SEMA3A: variants seen among roughly 807,000 people sequenced by gnomAD.
SEMA3A encodes the protein semaphorin-3A.
Under a neutral mutation model 97.9 loss-of-function variants are expected in SEMA3A, and 29 were observed. The ratio of observed to expected loss-of-function variants is 0.30; its 90% CI spans 0.22 to 0.40. SEMA3A has a LOEUF of 0.40. Ranked by LOEUF, SEMA3A falls within the 10% of genes least tolerant of loss-of-function variation. The pLI is 1.00. For synonymous variants in SEMA3A, 321 were observed against 323.7 expected (o/e 0.99, Z 0.09); for missense variants, 763 against 951.3 (o/e 0.80, Z 2.60).
rs576115086 is a variant in SEMA3A, at chr7:84,333,765, G to T, written c.-168-26473C>A. On this transcript the variant is annotated intron_variant, in intron 2 of 3. Transcript: ENST00000424555. ...CTTGTGACTTTTATCCAAGACATAT[G>T]CTATACATACAAAGTGACTAAGTAT... Among the ~76,000 whole-genome samples the T allele has an allele frequency of 8.5e-5, 13 of 152,242 alleles. No homozygotes were observed. In the East Asian group the frequency reaches 2.5e-3, roughly 29 times the overall value.
chr7:84,105,913 G>C (rs1048841249), intron 4 of SEMA3A, among the ~76,000 whole-genome samples: 4 of 152,122 alleles, frequency 2.6e-5, no homozygotes, highest in African/African-American at 9.7e-5. Flanking sequence ...ACATGTGTAT[G>C]ATGTATGTGA....
chr7:84,102,198 A>G (rs2115903697), intron 4 of SEMA3A, among the ~76,000 whole-genome samples: 1 of 152,302 alleles, frequency 6.6e-6, no homozygotes, highest in South Asian at 2.1e-4. Flanking sequence ...AATTTGTGTT[A>G]GTGATATCAA....
chr7:84,347,780 A>T (rs1197276807), intron 2 of SEMA3A, among the ~76,000 whole-genome samples: 1 of 152,066 alleles, frequency 6.6e-6, no homozygotes, highest in Non-Finnish European at 1.5e-5. Context: ...CTTTCTTATG[A>T]CGTTCTTGAA....
At chr7:83,984,923 CAAT>C (rs1789566171) in intron 13 of SEMA3A, among the ~76,000 whole-genome samples, 1 of 151,886 alleles carries the variant, frequency 6.6e-6, no homozygotes, top group Non-Finnish European at 1.5e-5. Flanking sequence ...CTCTAGCATA[CAAT>C]ACTACTGGAA....
At chr7:84,148,691 A>G (rs773291262) in intron 1 of SEMA3A, among the ~76,000 whole-genome samples, 37 of 151,972 alleles carry the variant, frequency 2.4e-4, no homozygotes, top group Non-Finnish European at 4.3e-4. Context: ...TTATATTTGT[A>G]TTTTCTTCTA....
intron 3 of SEMA3A, among the ~76,000 whole-genome samples, chr7:84,238,988 A>T (rs1799298833): frequency 6.6e-6 from 1 of 152,186 alleles, no homozygotes; most frequent in African/African-American, 2.4e-5. Context: ...AAGTACTGGG[A>T]TGACAGGCGT....
At position 84,096,271 on chromosome 7, in the gene SEMA3A, C is replaced by T. The variant is rs550341717; in HGVS notation, c.453+14199G>A. Among the ~76,000 whole-genome samples, 9 of 152,012 alleles carry T rather than the reference C, an allele frequency of 5.9e-5. No homozygotes were observed. The South Asian group carries it at 1.7e-3, about 28-fold the overall frequency. The stretch of plus-strand genomic sequence containing the variant: ...ATTTAAAGATACTTTTTAACTAATT[C>T]GAGTTTAAATTTTCTATATTATAAA... On this transcript the variant is annotated intron_variant, in intron 4 of 16. Transcript: ENST00000265362.
chr7:84,235,343 T>C lies in SEMA3A; in HGVS notation c.-82-40675A>G, dbSNP rs144617459. 5.3e-5 allele frequency among the ~76,000 whole-genome samples: 8 copies of C among 152,156 alleles called. No homozygotes were observed. The East Asian group carries it at 1.5e-3, about 29-fold the overall frequency. ...TATATACATGACTTTATATTTAATA[T>C]ATGCAATCATTTATAAGTGTCTTGT... On this transcript the variant is annotated intron_variant, in intron 3 of 3. Transcript: ENST00000424555.
At chr7:83,966,920 A>G (rs887974987) in intron 15 of SEMA3A, among the ~76,000 whole-genome samples, 7 of 152,070 alleles carry the variant, frequency 4.6e-5, no homozygotes, top group Admixed American at 3.9e-4. Context: ...CATGTTGGTT[A>G]GGCTGGTCTT....
At chr7:84,478,368 A>G (rs1280026091) in intron 1 of SEMA3A, among the ~76,000 whole-genome samples, 1 of 152,158 alleles carries the variant, frequency 6.6e-6, no homozygotes, top group Non-Finnish European at 1.5e-5. Context: ...TTTCACCCCA[A>G]GGATTAGTCA....
At chr7:84,331,414 G>T (rs1801905830) in intron 2 of SEMA3A, among the ~76,000 whole-genome samples, 2 of 152,060 alleles carry the variant, frequency 1.3e-5, no homozygotes, top group Admixed American at 6.6e-5. Context: ...AAAGATTCAG[G>T]TGATTCTAGT....
chr7:84,437,536 C>A (rs1805166829), intron 1 of SEMA3A, among the ~76,000 whole-genome samples: 1 of 148,376 alleles, frequency 6.7e-6, no homozygotes, highest in African/African-American at 2.5e-5. Context: ...TAATCTCATG[C>A]CTTCATAACA....
intron 3 of SEMA3A, among the ~76,000 whole-genome samples, chr7:84,283,620 A>C (rs1800507671): frequency 6.6e-6 from 1 of 152,158 alleles, no homozygotes; most frequent in South Asian, 2.1e-4. Context: ...ACAAAGTATC[A>C]AACTAGCTGC....
intron 3 of SEMA3A, among the ~76,000 whole-genome samples, chr7:84,266,339 A>G (rs958036302): frequency 1.4e-5 from 2 of 142,380 alleles, no homozygotes; most frequent in Non-Finnish European, 3.1e-5. Flanking sequence ...AAAAAAAAAG[A>G]AAAATGTTTC....
chr7:84,336,447 G>A (rs910644452), intron 2 of SEMA3A, among the ~76,000 whole-genome samples: 14 of 152,200 alleles, frequency 9.2e-5, no homozygotes, highest in Admixed American at 6.5e-4. Context: ...ATAGATACAG[G>A]CCTAAAATAG....
At chr7:84,481,517 T>TTA (rs953799233) in intron 1 of SEMA3A, among the ~76,000 whole-genome samples, 2 of 152,212 alleles carry the variant, frequency 1.3e-5, no homozygotes, top group Non-Finnish European at 2.9e-5. Flanking sequence ...GGCATAAACT[T>TTA]TATATATCTC....
chr7:84,179,795 A>C (rs13224698), intron 1 of SEMA3A, among the ~76,000 whole-genome samples: 9,570 of 151,798 alleles, frequency 0.063, 350 homozygotes, highest in African/African-American at 0.093. Context: ...TATAGAAGCA[A>C]GAGTGTAATA....
chr7:84,201,403 T>C (rs928391755), intron 3 of SEMA3A, among the ~76,000 whole-genome samples: 1 of 152,094 alleles, frequency 6.6e-6, no homozygotes, highest in Non-Finnish European at 1.5e-5. Context: ...AGGGCACAGA[T>C]TTCTGTAAGT....
In SEMA3A at chr7:83,958,091, A is replaced by C. The variant is rs1788336485; in HGVS notation, c.*3280T>G. 1.3e-5 allele frequency: 2 copies of C among 152,090 alleles called. No homozygotes were observed. Among genetic ancestry groups the C allele is most frequent in the Admixed American group, 1.3e-4 (2 of 15,254 alleles). The allele number at this position is 152,090 out of a possible 1,614,324, so 9.4% of individuals were successfully genotyped here. A position where few individuals can be genotyped will look rare whatever the true frequency, so the allele number is the denominator to read the frequency against. On this transcript the variant is annotated 3_prime_UTR_variant, in exon 17 of 17. Transcript: ENST00000265362. ...CTGAATAAAACCAAACTGATTATGA[A>C]AATGACACATTATAAAAATTTATCC... is the stretch of plus-strand genomic sequence containing the variant.
Sources: gnomAD v4.1 joint callset for allele counts (sites outside exome capture counted in the v4.1 genomes callset) on GRCh38, gnomAD v4.1.1 for gene constraint, MANE v1.5 for transcripts, NCBI Gene and HGNC (gene_info 2026-07-23, HGNC 2026-07-21) for gene names.